Variants in ABCE1 observed in about 807,000 individuals in gnomAD.
ABCE1 encodes ATP-binding cassette sub-family E member 1.
ABCE1 carries 22 observed loss-of-function variants against 83.4 expected under a neutral mutation model. That is an observed-to-expected ratio of 0.26 (90% CI 0.19 to 0.38). The LOEUF (loss-of-function observed/expected upper bound fraction) is 0.38, where lower values mean the gene tolerates loss of function less well. Ranked by LOEUF, ABCE1 falls within the 10% of genes least tolerant of loss-of-function variation. The pLI, the probability that ABCE1 is intolerant of heterozygous loss-of-function variation, is 1.00. For missense variants in ABCE1, 330 were observed against 721.9 expected, an observed-to-expected ratio of 0.46 and a Z score of 6.22; for synonymous variants, 204 against 233.7, an observed-to-expected ratio of 0.87 and a Z score of 1.16.
chr4:145,113,199 A>G (rs1749527530), intron 9 of ABCE1, among the ~76,000 whole-genome samples: 1 of 152,200 alleles, frequency 6.6e-6, no homozygotes, highest in Admixed American at 6.5e-5. Flanking sequence ...ATTTTCACAC[A>G]TAAAGTGCCA....
chr4:145,115,930 T>C lies in ABCE1; in HGVS notation c.801-1363T>C, dbSNP rs1749597507. On this transcript the variant is annotated intron_variant, in intron 9 of 17. Coordinates refer to ENST00000296577, the MANE Select transcript of ABCE1 (RefSeq NM_002940.3). ...CCTTAAGATGTTTATGAGCAAGTTATGGGGTAATCAAAAATAATAAAAGTC... is the reference window on the plus strand; with the variant it reads ...CCTTAAGATGTTTATGAGCAAGTTACGGGGTAATCAAAAATAATAAAAGTC... Among the ~76,000 whole-genome samples the C allele has an allele frequency of 2.6e-5, 4 of 151,926 alleles. No individual in the cohort carries two copies. In the South Asian group the frequency reaches 8.3e-4, roughly 31 times the overall value.
At chr4:145,124,338 T>C (rs539037780) in intron 16 of ABCE1, among the ~76,000 whole-genome samples, 348 of 152,186 alleles carry the variant, frequency 2.3e-3, no homozygotes, top group African/African-American at 7.8e-3. Flanking sequence ...TTTGCTGGGC[T>C]TCTTCCCTGA....
At chr4:145,108,162 C>G in intron 4 of ABCE1, 50 bp downstream of exon 4, 1 of 1,534,944 alleles carries the variant, frequency 6.5e-7, no homozygotes, top group Non-Finnish European at 9.0e-7. Context: ...GAGTAAAATA[C>G]ATTTGGGATT....
intron 10 of ABCE1, 92 bp from the exon 11 acceptor site, chr4:145,119,840 A>G: frequency 1.2e-6 from 1 of 861,998 alleles, no homozygotes; most frequent in South Asian, 1.7e-5. Flanking sequence ...ATCCACAGAA[A>G]TTTAAAGTAT....
intron 10 of ABCE1, among the ~76,000 whole-genome samples, chr4:145,117,846 T>G (rs1199587151): frequency 1.3e-5 from 2 of 151,866 alleles, no homozygotes; most frequent in African/African-American, 4.8e-5. Flanking sequence ...GAACTAAGGC[T>G]ATCTAAAAAC....
chr4:145,127,959 T>C lies in ABCE1; in HGVS notation c.*386T>C, dbSNP rs944013885. ...TTCTGTACTTACCTGGTTTGCCAAG[T>C]ATGCCAGTGTAATGAAACTGCCCTT... On this transcript the variant is annotated 3_prime_UTR_variant, in exon 18 of 18. Transcript: ENST00000296577. 3 of 156,438 alleles carry C rather than the reference T, an allele frequency of 1.9e-5. No individual in the cohort carries two copies. Among genetic ancestry groups the C allele is most frequent in the African/African-American group, 7.2e-5 (3 of 41,536 alleles). 9.7% of individuals were successfully genotyped at this position (156,438 alleles called of 1,614,324 possible). A position where few individuals can be genotyped will look rare whatever the true frequency, so the allele number is the denominator to read the frequency against.
chr4:145,111,119 T>G (rs961136701), intron 8 of ABCE1, 55 bp downstream of exon 8: 1 of 1,171,572 alleles, frequency 8.5e-7, no homozygotes, highest in Non-Finnish European at 1.2e-6. Context: ...AGTTTTCAGT[T>G]GTGATGCTGC....
chr4:145,118,214 G>T (rs1283593221), intron 10 of ABCE1, among the ~76,000 whole-genome samples: 3 of 149,726 alleles, frequency 2.0e-5, no homozygotes, highest in Non-Finnish European at 3.0e-5. Flanking sequence ...GTAGCCTGTA[G>T]TTCCCTAAGA....
Position 145,114,522 on chromosome 4 carries a change from A to G in ABCE1, c.800+2194A>G, listed in dbSNP as rs573570739. 9.9e-5 allele frequency among the ~76,000 whole-genome samples: 15 copies of G among 152,244 alleles called. No homozygotes were observed. The South Asian group carries it at 1.9e-3, about 19-fold the overall frequency. ...TTTACAGCCAGTATTTCAATGTGTA[A>G]CTGTTTAGACACATCACTAGAAAAC... On this transcript the variant is annotated intron_variant, in intron 9 of 17. Transcript: ENST00000296577.
intron 17 of ABCE1, 36 bp from the exon 18 acceptor site, chr4:145,127,490 G>A (rs752426386): frequency 1.9e-6 from 3 of 1,565,470 alleles, no homozygotes; most frequent in African/African-American, 2.8e-5. Flanking sequence ...GTAGAATCGT[G>A]TTGCTGATTT....
rs1225789527 is a variant in ABCE1, at chr4:145,125,028, C to T, written c.1679C>T (p.Ser560Phe). 1 of 1,611,636 alleles carries T rather than the reference C, an allele frequency of 6.2e-7. No homozygotes were observed. The highest frequency in any genetic ancestry group is 2.2e-5 in the East Asian group (1 of 44,786). ...TLLAGMNKFL[S>F]QLEITFRRDP... The stretch of plus-strand genomic sequence containing the variant: ...TTGGCTGGCATGAATAAATTTTTGT[C>T]TCAGCTTGAAATTACATTCAGAAGA... Residue 560 changes from serine (S) to phenylalanine (F), a missense_variant, in exon 17 of 18, where the codon TCT becomes TTT. Physicochemically the swap from Ser to Phe is radical, Grantham distance 155 (BLOSUM62 -2). Transcript: ENST00000296577.
chr4:145,122,719 G>A, intron 13 of ABCE1: 1 of 198,262 alleles, frequency 5.0e-6, no homozygotes, highest in Non-Finnish European at 1.0e-5. Flanking sequence ...GCTGAAGTGG[G>A]AGGATCGCTT....
In ABCE1 at chr4:145,128,026, T is replaced by C. The variant is rs1048543725; in HGVS notation, c.*453T>C. 5 of 153,666 alleles carry C rather than the reference T, an allele frequency of 3.3e-5. No individual in the cohort carries two copies. The highest frequency in any genetic ancestry group is 6.5e-5 in the Admixed American group (1 of 15,296). 9.5% of individuals were successfully genotyped at this position (153,666 alleles called of 1,614,324 possible). On this transcript the variant is annotated 3_prime_UTR_variant, in exon 18 of 18. Transcript: ENST00000296577. ...AAAGATTCCACTGATTGACATTTGA[T>C]AAATAAACATCAGGATTATGTTTAT...
chr4:145,105,846 CATT>C (rs1234832504), intron 3 of ABCE1, among the ~76,000 whole-genome samples, 156 bp downstream of exon 3: 2 of 151,942 alleles, frequency 1.3e-5, no homozygotes, highest in African/African-American at 2.4e-5. Context: ...ATATCAGTGA[CATT>C]GTTGCTTTTT....
chr4:145,116,274 TA>T (rs1284477285), intron 9 of ABCE1, among the ~76,000 whole-genome samples: 3 of 151,888 alleles, frequency 2.0e-5, no homozygotes, highest in Non-Finnish European at 4.4e-5. Context: ...TTTAAGTGAT[TA>T]ATTTCATTTG....
intron 17 of ABCE1, 127 bp from the exon 18 acceptor site, chr4:145,127,399 G>T (rs1295026889): frequency 8.1e-6 from 6 of 742,752 alleles, no homozygotes; most frequent in Non-Finnish European, 1.3e-5. Context: ...GAAACAGATG[G>T]TATGTGCAGA....
Position 145,104,462 on chromosome 4 carries a change from A to G in ABCE1, c.50A>G (p.Lys17Arg). 6.2e-7 allele frequency: 1 copy of G among 1,603,908 alleles called. No homozygotes were observed. The highest frequency in any genetic ancestry group is 8.5e-7 in the Non-Finnish European group (1 of 1,175,638). ...GCTATTGTCAACCATGACAAATGTA[A>G]ACCTAAGAAATGTCGACAGGAATGC... is the stretch of plus-strand genomic sequence containing the variant. ...RIAIVNHDKC[K>R]PKKCRQECKK... is the part of the protein sequence containing the mutation. Residue 17 changes from lysine to arginine, a missense_variant, in exon 2 of 18, where the codon AAA (lysine) becomes AGA (arginine). Coordinates refer to ENST00000296577, the MANE Select transcript of ABCE1 (RefSeq NM_002940.3).
intron 1 of ABCE1, among the ~76,000 whole-genome samples, chr4:145,101,505 C>T (rs1749154874): frequency 6.6e-6 from 1 of 152,172 alleles, no homozygotes; most frequent in Non-Finnish European, 1.5e-5. Context: ...CTAGCTTACT[C>T]TTTAAAAGGC....
chr4:145,099,383 T>G (rs1749046458), intron 1 of ABCE1, among the ~76,000 whole-genome samples: 1 of 152,196 alleles, frequency 6.6e-6, no homozygotes, highest in Non-Finnish European at 1.5e-5. Flanking sequence ...GTTGCAGTAG[T>G]TTGTCCCATA....
Sources: gnomAD v4.1 joint callset for allele counts (sites outside exome capture counted in the v4.1 genomes callset) on GRCh38, gnomAD v4.1.1 for gene constraint, MANE v1.5 for transcripts, NCBI Gene and HGNC (gene_info 2026-07-23, HGNC 2026-07-21) for gene names.